The following FARP1 variants were observed in gnomAD, a reference collection of about 807,000 sequenced individuals.
FARP1 encodes the protein FERM, ARH/RhoGEF and pleckstrin domain protein 1, also known as FERM, ARHGEF and pleckstrin domain-containing protein 1.
A neutral mutation model predicts 128.8 loss-of-function variants in FARP1; 52 were observed. The ratio of observed to expected loss-of-function variants is 0.40; its 90% CI spans 0.32 to 0.51. The LOEUF (loss-of-function observed/expected upper bound fraction) is 0.51, where lower values mean the gene tolerates loss of function less well. FARP1 is among the 20% of genes least tolerant of loss of function. FARP1 has a pLI of 0.45. For missense variants in FARP1, 1,333 were observed against 1,367.9 expected (o/e 0.97, Z 0.40); for synonymous variants, 580 against 551.8 (o/e 1.05, Z -0.72).
intron 24 of FARP1, among the ~76,000 whole-genome samples, chr13:98,443,856 G>GGACAGTGGGGCAGGGGAGGGAAA (rs1892638030): frequency 2.8e-4 from 2 of 7,224 alleles, no homozygotes; most frequent in African/African-American, 4.0e-4. Flanking sequence ...GAGGAGGGAA[G>GGACAGTGGGGCAGGGGAGGGAAA]GGACGGGGTG....
chr13:98,402,950 C>T (rs1890831556), intron 13 of FARP1: 1 of 152,196 alleles, frequency 6.6e-6, no homozygotes, highest in Admixed American at 6.5e-5. Context: ...AAAACATTTT[C>T]CGTTGTTCCA....
At position 98,377,896 on chromosome 13, in the gene FARP1, C is replaced by T. The variant is rs753282142; in HGVS notation, c.474C>T (p.Leu158=). ...CGTGTAATGACACCAGCGCAGCTCT[C>T]TTGATTTCACACATTGTGCAATGTA... The part of the protein sequence containing the change: ...RLTCNDTSAA[L]LISHIVQSEI... Residue 158 remains leucine, a synonymous_variant, in exon 6 of 27, where the codon CTC becomes CTT. Transcript: ENST00000319562. 1.2e-6 allele frequency: 2 copies of T among 1,612,962 alleles called. No individual in the cohort carries two copies. Among genetic ancestry groups the T allele is most frequent in the South Asian group, 2.2e-5 (2 of 91,060 alleles).
At chr13:98,197,451 A>G (rs1292240448) in intron 1 of FARP1, among the ~76,000 whole-genome samples, 1 of 151,948 alleles carries the variant, frequency 6.6e-6, no homozygotes, top group Non-Finnish European at 1.5e-5. Context: ...GGGCAACAAG[A>G]GCAAAACTCC....
intron 1 of FARP1, among the ~76,000 whole-genome samples, chr13:98,173,951 C>T (rs1037838996): frequency 1.3e-5 from 2 of 152,204 alleles, no homozygotes; most frequent in African/African-American, 4.8e-5. Context: ...GTCGCTCCAG[C>T]GTTGTGACCT....
At chr13:98,162,234 AC>A (rs1430999021) in intron 1 of FARP1, among the ~76,000 whole-genome samples, 2 of 152,174 alleles carry the variant, frequency 1.3e-5, no homozygotes, top group Non-Finnish European at 2.9e-5. Flanking sequence ...CAGGGGAGAC[AC>A]CTAAAGTGAG....
At chr13:98,221,128 C>T (rs147134047) in intron 2 of FARP1, among the ~76,000 whole-genome samples, 2,541 of 152,272 alleles carry the variant, frequency 0.017, 76 homozygotes, top group African/African-American at 0.058. Flanking sequence ...ATGGAGAATA[C>T]CGACCACTTG....
At chr13:98,302,404 C>T (rs1885961367) in intron 2 of FARP1, among the ~76,000 whole-genome samples, 1 of 152,126 alleles carries the variant, frequency 6.6e-6, no homozygotes, top group Non-Finnish European at 1.5e-5. Flanking sequence ...TTCACCCCTG[C>T]CCACACCAGT....
In FARP1 at chr13:98,215,832, C is replaced by G. The variant is rs571069904; in HGVS notation, c.171+2419C>G. Among the ~76,000 whole-genome samples, 36 of 151,124 alleles carry G rather than the reference C, an allele frequency of 2.4e-4. No individual in the cohort carries two copies. The East Asian group carries it at 6.2e-3, about 26-fold the overall frequency. On this transcript the variant is annotated intron_variant, in intron 2 of 26. Coordinates refer to ENST00000319562, the MANE Select transcript of FARP1 (RefSeq NM_005766.4). ...TTTGAGACGGAGTCTTGCTGTGTCTCTAGGCTGAAGTGCAGTGGTGCGATC... is the reference window on the plus strand; with the variant it reads ...TTTGAGACGGAGTCTTGCTGTGTCTGTAGGCTGAAGTGCAGTGGTGCGATC...
chr13:98,370,743 G>A (rs977714286), intron 5 of FARP1, among the ~76,000 whole-genome samples: 5 of 152,176 alleles, frequency 3.3e-5, no homozygotes, highest in African/African-American at 9.7e-5. Context: ...ATACAGGAAT[G>A]TGCAGCTCCA....
In FARP1 at chr13:98,454,229, A is replaced by G. The variant is rs1314211769; in HGVS notation, c.*5912A>G. 1 of 152,238 alleles carries G rather than the reference A, an allele frequency of 6.6e-6. No homozygotes were observed. The highest frequency in any genetic ancestry group is 2.4e-5 in the African/African-American group (1 of 41,456). The allele number at this position is 152,238 out of a possible 1,614,324, so 9.4% of individuals were successfully genotyped here. ...CAAAGATGCTGATGAGATTTGGGCT[A>G]CAGTGGTGGGATCATGGGTAATTTC... On this transcript the variant is annotated 3_prime_UTR_variant, in exon 27 of 27. Transcript: ENST00000319562.
intron 2 of FARP1, among the ~76,000 whole-genome samples, chr13:98,236,419 C>T (rs1265155186): frequency 6.6e-6 from 1 of 152,096 alleles, no homozygotes; most frequent in Non-Finnish European, 1.5e-5. Context: ...AATGCATAGA[C>T]GTTGCCAACA....
At chr13:98,382,925 A>G (rs1232245769) in intron 6 of FARP1, among the ~76,000 whole-genome samples, 1 of 152,180 alleles carries the variant, frequency 6.6e-6, no homozygotes, top group Non-Finnish European at 1.5e-5. Context: ...TGTGTTAGGT[A>G]AGCATCGTTC....
intron 1 of FARP1, among the ~76,000 whole-genome samples, chr13:98,161,798 G>A (rs762806613): frequency 9.4e-5 from 14 of 148,920 alleles, no homozygotes; most frequent in Non-Finnish European, 1.8e-4. Flanking sequence ...CCTTTCTTTC[G>A]AGGCAGGGTC....
intron 2 of FARP1, among the ~76,000 whole-genome samples, chr13:98,262,527 C>A (rs1883932525): frequency 6.6e-6 from 1 of 152,086 alleles, no homozygotes; most frequent in Non-Finnish European, 1.5e-5. Context: ...CTCGCAAAGA[C>A]TGGCAGTTAA....
intron 2 of FARP1, among the ~76,000 whole-genome samples, chr13:98,240,775 T>C (rs1882721430): frequency 6.6e-6 from 1 of 152,236 alleles, no homozygotes; most frequent in African/African-American, 2.4e-5. Context: ...TTTTGTGTCG[T>C]GTTCTAGTGC....
chr13:98,200,391 C>G (rs570252008), intron 1 of FARP1, among the ~76,000 whole-genome samples: 1 of 137,282 alleles, frequency 7.3e-6, no homozygotes, highest in Non-Finnish European at 1.5e-5. Flanking sequence ...ACCTTCACCC[C>G]CCCCCCCTCC....
At chr13:98,321,502 C>T (rs1233546772) in intron 2 of FARP1, among the ~76,000 whole-genome samples, 1 of 152,196 alleles carries the variant, frequency 6.6e-6, no homozygotes, top group African/African-American at 2.4e-5. Flanking sequence ...ATGTCATGCT[C>T]TTTAAGTGAC....
chr13:98,446,027 G>T (rs1255682446), intron 24 of FARP1, 71 bp from the exon 25 acceptor site: 2 of 1,035,800 alleles, frequency 1.9e-6, no homozygotes, highest in Non-Finnish European at 3.0e-6. Flanking sequence ...CCTGGTGCAG[G>T]GAGAGCTGCT....
intron 2 of FARP1, among the ~76,000 whole-genome samples, chr13:98,265,389 G>A (rs1304396009): frequency 1.5e-5 from 2 of 136,908 alleles, no homozygotes; most frequent in African/African-American, 5.5e-5. Flanking sequence ...GCGGGATCTC[G>A]GCTCACTGCA....
Sources: gnomAD v4.1 joint callset for allele counts (sites outside exome capture counted in the v4.1 genomes callset) on GRCh38, gnomAD v4.1.1 for gene constraint, MANE v1.5 for transcripts, NCBI Gene and HGNC (gene_info 2026-07-23, HGNC 2026-07-21) for gene names.